GPHN: variants seen among roughly 807,000 people sequenced by gnomAD.
GPHN encodes the protein gephyrin.
In GPHN, 17 loss-of-function variants were observed where a neutral mutation model predicts 95.5. The observed-to-expected ratio is 0.18, with a 90% CI of 0.12 to 0.27. The LOEUF is 0.27. Ranked by LOEUF, GPHN falls within the 10% of genes least tolerant of loss-of-function variation. The probability of loss-of-function intolerance (pLI) is 1.00; values close to 1 mark genes in which losing one functional copy is unlikely to be tolerated. For missense variants in GPHN, 660 were observed against 978.1 expected (o/e 0.67, Z 4.34); for synonymous variants, 320 against 322.5 (o/e 0.99, Z 0.08).
At chr14:67,488,252 A>C in the GPHN span, among the ~76,000 whole-genome samples, 66 of 152,342 alleles carry the variant, frequency 4.3e-4, no homozygotes, top group African/African-American at 1.5e-3. Context: ...AGGGTCTCTG[A>C]GTAGAGGCCG....
the GPHN span, chr14:67,692,425 G>A: frequency 6.2e-7 from 1 of 1,614,000 alleles, no homozygotes; most frequent in Non-Finnish European, 8.5e-7. Flanking sequence ...AGTCTCTCTA[G>A]TTCTACACTT....
intron 2 of GPHN, among the ~76,000 whole-genome samples, chr14:66,733,546 C>T (rs939116150): frequency 6.6e-6 from 1 of 152,052 alleles, no homozygotes; most frequent in South Asian, 2.1e-4. Flanking sequence ...ATTTCTTATG[C>T]TAGTTTCTCT....
chr14:67,156,068 G>A (rs1158918925), intron 18 of GPHN, among the ~76,000 whole-genome samples: 1 of 152,110 alleles, frequency 6.6e-6, no homozygotes, highest in East Asian at 1.9e-4. Flanking sequence ...CAAAAACTGT[G>A]CGGACCTAGA....
chr14:67,567,784 C>T, the GPHN span, among the ~76,000 whole-genome samples: 1,805 of 152,342 alleles, frequency 0.012, 23 homozygotes, highest in Middle Eastern at 0.041. Flanking sequence ...GGTGACAGCA[C>T]ATCTAGCTAC....
At chr14:67,724,860 G>A in the GPHN span, among the ~76,000 whole-genome samples, 2 of 152,202 alleles carry the variant, frequency 1.3e-5, no homozygotes, top group Non-Finnish European at 2.9e-5. Flanking sequence ...GAGATACTAA[G>A]TGACATTAAA....
chr14:66,581,506 G>A (rs913128225), intron 1 of GPHN, among the ~76,000 whole-genome samples: 8 of 151,700 alleles, frequency 5.3e-5, no homozygotes, highest in Admixed American at 1.3e-4. Context: ...CAAAACAACC[G>A]GAAAACAATG....
chr14:67,581,562 T>C, the GPHN span: 1 of 166,620 alleles, frequency 6.0e-6, no homozygotes. Context: ...ACCAACCTCA[T>C]GGGATGGCTA....
At chr14:67,606,641 G>T in the GPHN span, among the ~76,000 whole-genome samples, 1 of 152,026 alleles carries the variant, frequency 6.6e-6, no homozygotes, top group African/African-American at 2.4e-5. Context: ...TGTTGTTGTT[G>T]TTTTTTGTTT....
At chr14:67,233,068 G>C in the GPHN span, among the ~76,000 whole-genome samples, 1 of 151,672 alleles carries the variant, frequency 6.6e-6, no homozygotes, top group Non-Finnish European at 1.5e-5. Flanking sequence ...AGCCCTAAAA[G>C]GGATCCACTG....
chr14:67,072,449 T>C (rs1484120390), intron 11 of GPHN, among the ~76,000 whole-genome samples: 1 of 152,006 alleles, frequency 6.6e-6, no homozygotes, highest in Non-Finnish European at 1.5e-5. Context: ...GCTGCAAGAA[T>C]TACCTTTTTG....
the GPHN span, among the ~76,000 whole-genome samples, chr14:67,512,165 C>A: frequency 3.3e-5 from 5 of 152,212 alleles, no homozygotes; most frequent in Non-Finnish European, 7.3e-5. Flanking sequence ...ATTTCCCCAA[C>A]ACATGCATTC....
At chr14:67,334,329 A>AGTCT in the GPHN span, 1 of 152,662 alleles carries the variant, frequency 6.6e-6, no homozygotes, top group African/African-American at 2.4e-5. Context: ...CTTAATTTGC[A>AGTCT]GTCTTTTCAA....
At chr14:67,350,655 A>C in the GPHN span, 6 of 1,613,704 alleles carry the variant, frequency 3.7e-6, no homozygotes, top group Middle Eastern at 6.6e-4. Context: ...GTGAAAAGGC[A>C]GCTTCTCTCA....
chr14:66,518,781 A>T (rs1259561790), intron 1 of GPHN, among the ~76,000 whole-genome samples: 2 of 152,120 alleles, frequency 1.3e-5, no homozygotes, highest in Admixed American at 6.5e-5. Context: ...AACTAAAAAA[A>T]GTTGGTTTCA....
At chr14:67,581,142 C>T in the GPHN span, 2 of 737,564 alleles carry the variant, frequency 2.7e-6, no homozygotes, top group Non-Finnish European at 4.9e-6. Flanking sequence ...GGGGAGGGAC[C>T]CACAGATATA....
chr14:66,647,680 G>GTGT (rs1163995208), intron 1 of GPHN, among the ~76,000 whole-genome samples: 1 of 151,938 alleles, frequency 6.6e-6, no homozygotes, highest in African/African-American at 2.4e-5. Context: ...TTATGTGAAT[G>GTGT]TGTTCTCTGT....
the GPHN span, chr14:67,395,275 T>C: frequency 5.3e-6 from 4 of 761,392 alleles, no homozygotes; most frequent in Non-Finnish European, 6.4e-6. Flanking sequence ...CTGAAGGCCC[T>C]GAAGCACCGT....
the GPHN span, among the ~76,000 whole-genome samples, chr14:67,595,123 C>T: frequency 6.8e-6 from 1 of 146,202 alleles, no homozygotes; most frequent in African/African-American, 2.5e-5. Flanking sequence ...GGTGACAGAG[C>T]GAGACTCCGT....
the GPHN span, among the ~76,000 whole-genome samples, chr14:67,274,881 G>T: frequency 6.6e-6 from 1 of 152,092 alleles, no homozygotes; most frequent in East Asian, 1.9e-4. Context: ...TCTCTTTGTA[G>T]CAATTGTGAA....
Sources: gnomAD v4.1 joint callset for allele counts (sites outside exome capture counted in the v4.1 genomes callset) on GRCh38, gnomAD v4.1.1 for gene constraint, MANE v1.5 for transcripts, NCBI Gene and HGNC (gene_info 2026-07-23, HGNC 2026-07-21) for gene names.